Variants in SUPT3H observed in about 807,000 individuals in gnomAD.
SUPT3H encodes the protein SPT3 homolog, SAGA and STAGA complex component.
In SUPT3H, 44 loss-of-function variants were observed where a neutral mutation model predicts 44.3. The observed-to-expected ratio is 0.99, with a 90% CI of 0.78 to 1.28. The LOEUF is 1.28. Among genes scored for constraint, SUPT3H ranks in the 50% most tolerant of loss-of-function variants. The probability of loss-of-function intolerance (pLI) is 0.00; values close to 1 mark genes in which losing one functional copy is unlikely to be tolerated. For missense variants in SUPT3H, 380 were observed against 387.1 expected, an observed-to-expected ratio of 0.98 and a Z score of 0.15; for synonymous variants, 124 against 125.6, an observed-to-expected ratio of 0.99 and a Z score of 0.09.
chr6:45,042,553 T>A (rs1788706216), intron 3 of SUPT3H, among the ~76,000 whole-genome samples: 1 of 152,144 alleles, frequency 6.6e-6, no homozygotes, highest in South Asian at 2.1e-4. Context: ...GAAAATTAGT[T>A]GTTGTTTTTT....
At chr6:44,904,359 T>C (rs2153449851) in intron 10 of SUPT3H, among the ~76,000 whole-genome samples, 1 of 152,272 alleles carries the variant, frequency 6.6e-6, no homozygotes, top group Non-Finnish European at 1.5e-5. Context: ...ATCACAAGCA[T>C]TCTTATACAC....
chr6:44,909,595 A>C (rs995074589), intron 10 of SUPT3H, among the ~76,000 whole-genome samples: 1 of 152,190 alleles, frequency 6.6e-6, no homozygotes, highest in Non-Finnish European at 1.5e-5. Flanking sequence ...GAATTTTCCT[A>C]TGTACGAAGA....
At chr6:44,815,909 C>CTAA (rs1766874701) in intron 11 of SUPT3H, among the ~76,000 whole-genome samples, 1 of 151,912 alleles carries the variant, frequency 6.6e-6, no homozygotes, top group East Asian at 1.9e-4. Flanking sequence ...CCAACTTGAC[C>CTAA]TAATATTTAT....
At chr6:45,322,423 AC>A (rs1192425905) in intron 2 of SUPT3H, among the ~76,000 whole-genome samples, 1 of 151,236 alleles carries the variant, frequency 6.6e-6, no homozygotes, top group Non-Finnish European at 1.5e-5. Flanking sequence ...GAATATTTTA[AC>A]ATTTCTTTCC....
Position 44,929,372 on chromosome 6 carries a change from A to G in SUPT3H, c.912+3281T>C, listed in dbSNP as rs532609992. Among the ~76,000 whole-genome samples the G allele has an allele frequency of 2.6e-5, 4 of 152,216 alleles. No individual in the cohort carries two copies. The South Asian group carries it at 8.3e-4, about 32-fold the overall frequency. ...ATTAACAATATCAAATTATTGGTAA[A>G]TGGATATATATATACACATTGTTAT... is the stretch of plus-strand genomic sequence containing the variant. On this transcript the variant is annotated intron_variant, in intron 10 of 10. Coordinates refer to ENST00000371459, the MANE Select transcript of SUPT3H (RefSeq NM_003599.4).
chr6:44,960,244 T>TA (rs1775816705), intron 7 of SUPT3H, among the ~76,000 whole-genome samples: 1 of 151,118 alleles, frequency 6.6e-6, no homozygotes, highest in African/African-American at 2.4e-5. Context: ...CCGTGTCTAT[T>TA]AAAAATACAA....
At chr6:45,016,364 A>T (rs1238709951) in intron 4 of SUPT3H, among the ~76,000 whole-genome samples, 3 of 151,302 alleles carry the variant, frequency 2.0e-5, no homozygotes, top group African/African-American at 7.3e-5. Context: ...TTATTACTAT[A>T]CTTTAAGTTT....
chr6:44,865,276 T>G (rs980022505), intron 10 of SUPT3H, among the ~76,000 whole-genome samples: 1 of 152,212 alleles, frequency 6.6e-6, no homozygotes, highest in Non-Finnish European at 1.5e-5. Flanking sequence ...TTCCAAACTT[T>G]CCTACATTTT....
intron 2 of SUPT3H, among the ~76,000 whole-genome samples, chr6:45,340,970 A>C (rs1204526465): frequency 2.0e-5 from 3 of 152,168 alleles, no homozygotes; most frequent in Admixed American, 6.5e-5. Flanking sequence ...TGATCCAGAC[A>C]ACCTTTATTT....
At chr6:44,961,900 A>G in intron 6 of SUPT3H, 72 bp from the exon 7 acceptor site, 1 of 1,162,886 alleles carries the variant, frequency 8.6e-7, no homozygotes, top group South Asian at 1.4e-5. Flanking sequence ...GCTTAAACTT[A>G]GAATTGAAGT....
intron 2 of SUPT3H, chr6:45,159,519 C>A (rs192283379): frequency 1.0e-3 from 154 of 152,246 alleles, no homozygotes; most frequent in African/African-American, 3.5e-3. Context: ...ATCTAAACAT[C>A]AAGCTTTCTT....
intron 2 of SUPT3H, among the ~76,000 whole-genome samples, chr6:45,239,212 A>G (rs2153645545): frequency 6.6e-6 from 1 of 152,344 alleles, no homozygotes; most frequent in East Asian, 1.9e-4. Flanking sequence ...TGAACAACTG[A>G]TGACTTTATT....
intron 3 of SUPT3H, among the ~76,000 whole-genome samples, chr6:45,060,836 CAT>C (rs1791888943): frequency 6.6e-6 from 1 of 152,108 alleles, no homozygotes; most frequent in African/African-American, 2.4e-5. Flanking sequence ...GGCAAACAAA[CAT>C]ATGAAAAAAG....
chr6:44,885,396 C>T (rs970320311), intron 10 of SUPT3H, among the ~76,000 whole-genome samples: 7 of 151,654 alleles, frequency 4.6e-5, no homozygotes, highest in East Asian at 1.9e-4. Flanking sequence ...CTCACACGTC[C>T]GGGTACTCCT....
At chr6:44,929,772 T>C (rs985163950) in intron 10 of SUPT3H, among the ~76,000 whole-genome samples, 2 of 68,372 alleles carry the variant, frequency 2.9e-5, no homozygotes, top group Non-Finnish European at 8.6e-5. Context: ...GAGCTCCCTT[T>C]TTTTTTTTTT....
chr6:45,125,866 A>G (rs1206548701), intron 2 of SUPT3H, among the ~76,000 whole-genome samples: 3 of 152,102 alleles, frequency 2.0e-5, no homozygotes, highest in Non-Finnish European at 2.9e-5. Flanking sequence ...AAGACTTCCA[A>G]TAAAAGAAAG....
At chr6:45,325,911 G>T (rs572485387) in intron 2 of SUPT3H, among the ~76,000 whole-genome samples, 1 of 151,752 alleles carries the variant, frequency 6.6e-6, no homozygotes, top group East Asian at 1.9e-4. Flanking sequence ...AAAAATTCAT[G>T]TGGATAATGA....
intron 2 of SUPT3H, among the ~76,000 whole-genome samples, chr6:45,331,555 A>G (rs1035568866): frequency 6.6e-6 from 1 of 152,008 alleles, no homozygotes; most frequent in Non-Finnish European, 1.5e-5. Flanking sequence ...ACACATATCA[A>G]AAGCTAAAAA....
chr6:45,125,112 C>T (rs1802242020), intron 2 of SUPT3H, among the ~76,000 whole-genome samples: 1 of 152,170 alleles, frequency 6.6e-6, no homozygotes, highest in African/African-American at 2.4e-5. Flanking sequence ...TGTCTAACAA[C>T]CTCAACTATG....
Sources: allele counts gnomAD v4.1 joint callset (sites outside exome capture counted in the v4.1 genomes callset), GRCh38; gene constraint gnomAD v4.1.1; transcripts MANE v1.5; gene names NCBI Gene and HGNC (gene_info 2026-07-23, HGNC 2026-07-21).